The following CDK19 variants were observed in gnomAD, a reference collection of about 807,000 sequenced individuals.
CDK19 encodes the protein cyclin-dependent kinase 19.
Under a neutral mutation model 68.3 loss-of-function variants are expected in CDK19, and 20 were observed. That is an observed-to-expected ratio of 0.29 (90% CI 0.21 to 0.43). The LOEUF (loss-of-function observed/expected upper bound fraction) is 0.43, where lower values mean the gene tolerates loss of function less well. CDK19 is among the 20% of genes least tolerant of loss of function. CDK19 has a pLI of 1.00. For missense variants in CDK19, 339 were observed against 623.5 expected (o/e 0.54, Z 4.86); for synonymous variants, 221 against 222.8 (o/e 0.99, Z 0.07).
chr6:110,784,934 A>AAAAGTTGATTAG (rs1216513671), intron 1 of CDK19, among the ~76,000 whole-genome samples: 1 of 152,152 alleles, frequency 6.6e-6, no homozygotes, highest in African/African-American at 2.4e-5. Context: ...ACAAGCCACA[A>AAAAGTTGATTAG]AAAGTTGATT....
At position 110,645,075 on chromosome 6, in the gene CDK19, T is replaced by C. The variant is rs78115892; in HGVS notation, c.457-6369A>G. Among the ~76,000 whole-genome samples, 52 of 152,256 alleles carry C rather than the reference T, an allele frequency of 3.4e-4. 2 individuals carry two copies. The East Asian group carries it at 9.5e-3, about 28-fold the overall frequency. On this transcript the variant is annotated intron_variant, in intron 4 of 12. Transcript: ENST00000368911. ...AAACAGACAAAAGATTAGTAAAATATAGACTATCCAAAGGATACAATTAAC... is the reference window on the plus strand; with the variant it reads ...AAACAGACAAAAGATTAGTAAAATACAGACTATCCAAAGGATACAATTAAC...
intron 1 of CDK19, among the ~76,000 whole-genome samples, chr6:110,777,014 A>G (rs1037632003): frequency 3.3e-4 from 50 of 151,952 alleles, no homozygotes; most frequent in African/African-American, 1.2e-3. Context: ...AACCCAGACC[A>G]CTCCCAGAAA....
At chr6:110,742,943 T>C (rs1777788583) in intron 2 of CDK19, among the ~76,000 whole-genome samples, 1 of 152,016 alleles carries the variant, frequency 6.6e-6, no homozygotes, top group African/African-American at 2.4e-5. Context: ...GTATACCCCC[T>C]CCCCTTTTAA....
At position 110,765,922 on chromosome 6, in the gene CDK19, T is replaced by C. The variant is rs138254575; in HGVS notation, c.129-19721A>G. On this transcript the variant is annotated intron_variant, in intron 1 of 12. Coordinates refer to ENST00000368911, the MANE Select transcript of CDK19 (RefSeq NM_015076.5). ...TATATCATCTCACACCAGTTTAAAA[T>C]GGCTATTATCAAAAAGAGAAAATAA... Among the ~76,000 whole-genome samples the C allele has an allele frequency of 4.5e-3, 691 of 152,188 alleles. 5 individuals carry two copies. The highest frequency in any genetic ancestry group is 0.016 in the African/African-American group (666 of 41,504).
intron 3 of CDK19, among the ~76,000 whole-genome samples, chr6:110,669,895 C>A (rs563171015): frequency 6.6e-6 from 1 of 151,978 alleles, no homozygotes; most frequent in East Asian, 1.9e-4. Flanking sequence ...TGGTGGCTCA[C>A]GCCTGTAATT....
chr6:110,772,191 G>A (rs1473930231), intron 1 of CDK19, among the ~76,000 whole-genome samples: 4 of 152,152 alleles, frequency 2.6e-5, no homozygotes, highest in Non-Finnish European at 5.9e-5. Flanking sequence ...AGAAAAAGAG[G>A]TTTAATTGGA....
chr6:110,740,253 T>C (rs1327802795), intron 2 of CDK19, among the ~76,000 whole-genome samples: 2 of 152,228 alleles, frequency 1.3e-5, no homozygotes, highest in African/African-American at 4.8e-5. Context: ...GTTGAATTAA[T>C]AGCATTTACC....
chr6:110,738,182 T>C (rs1275504296), intron 2 of CDK19, among the ~76,000 whole-genome samples: 5 of 152,074 alleles, frequency 3.3e-5, no homozygotes, highest in Admixed American at 2.0e-4. Context: ...TGCACGCATA[T>C]TTAAAAAGAA....
At chr6:110,634,623 T>G (rs982207673) in intron 5 of CDK19, among the ~76,000 whole-genome samples, 10 of 152,250 alleles carry the variant, frequency 6.6e-5, no homozygotes, top group African/African-American at 2.4e-4. Context: ...AGGAAGCCTG[T>G]GCTGATACCT....
chr6:110,650,536 G>A (rs1431015694), intron 4 of CDK19, among the ~76,000 whole-genome samples: 1 of 152,204 alleles, frequency 6.6e-6, no homozygotes, highest in Admixed American at 6.5e-5. Context: ...ATGGGGACAG[G>A]CATTGTTGGG....
intron 1 of CDK19, among the ~76,000 whole-genome samples, chr6:110,763,905 G>C (rs1432891710): frequency 6.6e-6 from 1 of 152,140 alleles, no homozygotes; most frequent in Non-Finnish European, 1.5e-5. Flanking sequence ...ATTATAGCAA[G>C]ATTGCAGGGT....
At chr6:110,683,452 A>T (rs187061899) in intron 2 of CDK19, among the ~76,000 whole-genome samples, 4 of 152,128 alleles carry the variant, frequency 2.6e-5, no homozygotes, top group Non-Finnish European at 5.9e-5. Flanking sequence ...AAAATGCCAC[A>T]GCATTTCCTT....
At chr6:110,706,306 G>A (rs1045568350) in intron 2 of CDK19, 9 of 151,882 alleles carry the variant, frequency 5.9e-5, no homozygotes, top group African/African-American at 2.2e-4. Flanking sequence ...ACCTGCCTCA[G>A]CCTCTCAAAG....
intron 1 of CDK19, among the ~76,000 whole-genome samples, chr6:110,756,717 T>C (rs1209927364): frequency 1.3e-5 from 2 of 152,154 alleles, no homozygotes; most frequent in Non-Finnish European, 2.9e-5. Context: ...ATATGTTTCT[T>C]GGGCAGACAG....
At chr6:110,715,470 A>G (rs1307091759) in intron 2 of CDK19, among the ~76,000 whole-genome samples, 3 of 152,012 alleles carry the variant, frequency 2.0e-5, no homozygotes, top group Non-Finnish European at 4.4e-5. Context: ...TCTGTCATTC[A>G]TTTTGTGTAT....
chr6:110,794,398 G>A (rs937161431), intron 1 of CDK19, among the ~76,000 whole-genome samples: 1 of 120,434 alleles, frequency 8.3e-6, no homozygotes, highest in Non-Finnish European at 1.7e-5. Flanking sequence ...CTCTCCAGTA[G>A]TTTGAAACTT....
At chr6:110,798,294 T>C (rs1023201830) in intron 1 of CDK19, among the ~76,000 whole-genome samples, 1 of 151,972 alleles carries the variant, frequency 6.6e-6, no homozygotes, top group Non-Finnish European at 1.5e-5. Context: ...TAAAAAATCC[T>C]AAGAGATTCT....
chr6:110,794,537 G>T (rs1781808320), intron 1 of CDK19, among the ~76,000 whole-genome samples: 1 of 151,664 alleles, frequency 6.6e-6, no homozygotes, highest in African/African-American at 2.4e-5. Flanking sequence ...GAGTAGCTGG[G>T]ACTACAGGCG....
chr6:110,771,138 T>C (rs1381928397), intron 1 of CDK19, among the ~76,000 whole-genome samples: 3 of 152,178 alleles, frequency 2.0e-5, no homozygotes, highest in Non-Finnish European at 2.9e-5. Context: ...ACAGCTCCAC[T>C]AGCCTGTGCC....
Sources: gnomAD v4.1 joint callset for allele counts (sites outside exome capture counted in the v4.1 genomes callset) on GRCh38, gnomAD v4.1.1 for gene constraint, MANE v1.5 for transcripts, NCBI Gene and HGNC (gene_info 2026-07-23, HGNC 2026-07-21) for gene names.